Variants in ZNF385D observed in about 807,000 individuals in gnomAD.
ZNF385D encodes zinc finger protein 659.
A neutral mutation model predicts 35.8 loss-of-function variants in ZNF385D; 15 were observed. The observed-to-expected ratio is 0.42, with a 90% confidence interval of 0.28 to 0.64. ZNF385D has a LOEUF of 0.64. ZNF385D is among the 30% of genes least tolerant of loss of function. The pLI, the probability that ZNF385D is intolerant of heterozygous loss-of-function variation, is 0.23. For missense variants in ZNF385D, 474 were observed against 494.6 expected, an observed-to-expected ratio of 0.96 and a Z score of 0.39; for synonymous variants, 212 against 186.8, an observed-to-expected ratio of 1.13 and a Z score of -1.10.
chr3:21,761,784 G>T (rs182982889), intron 3 of ZNF385D, among the ~76,000 whole-genome samples: 13 of 149,562 alleles, frequency 8.7e-5, no homozygotes, highest in Admixed American at 8.7e-4. Flanking sequence ...CTTTTTTCAG[G>T]TATTACCCAA....
intron 2 of ZNF385D, among the ~76,000 whole-genome samples, chr3:22,170,857 G>A (rs765242919): frequency 2.8e-4 from 43 of 152,232 alleles, no homozygotes; most frequent in Admixed American, 3.3e-4. Context: ...AAATGATGGT[G>A]TGCTAAAATC....
intron 3 of ZNF385D, among the ~76,000 whole-genome samples, chr3:22,106,360 C>G (rs1702213057): frequency 6.6e-6 from 1 of 152,082 alleles, no homozygotes; most frequent in Admixed American, 6.6e-5. Context: ...GAGATACCAT[C>G]TGCCCTTTGG....
At chr3:21,517,122 G>C (rs528729357) in intron 3 of ZNF385D, among the ~76,000 whole-genome samples, 44 of 151,756 alleles carry the variant, frequency 2.9e-4, no homozygotes, top group Middle Eastern at 3.4e-3. Context: ...ATATATTACT[G>C]TTTATGATCC....
chr3:21,946,301 CACAAA>C (rs1004974150), intron 3 of ZNF385D, among the ~76,000 whole-genome samples: 1 of 152,026 alleles, frequency 6.6e-6, no homozygotes, highest in Non-Finnish European at 1.5e-5. Flanking sequence ...TCTTTATATA[CACAAA>C]ACATTTTTAT....
chr3:22,194,493 C>T (rs1298682387), intron 2 of ZNF385D, among the ~76,000 whole-genome samples: 1 of 151,780 alleles, frequency 6.6e-6, no homozygotes, highest in Non-Finnish European at 1.5e-5. Flanking sequence ...CCATTTATAT[C>T]TTTCTTCTTT....
chr3:21,598,846 T>G (rs1277577308), intron 2 of ZNF385D, among the ~76,000 whole-genome samples: 1 of 152,198 alleles, frequency 6.6e-6, no homozygotes, highest in Non-Finnish European at 1.5e-5. Context: ...ATTTACTCAA[T>G]TTTTAAATGA....
intron 2 of ZNF385D, among the ~76,000 whole-genome samples, chr3:21,661,678 T>A (rs2066241386): frequency 6.6e-6 from 1 of 152,158 alleles, no homozygotes; most frequent in South Asian, 2.1e-4. Flanking sequence ...TGAAAGCTAC[T>A]AGAACATCAA....
chr3:21,595,487 G>A (rs913520964), intron 2 of ZNF385D, among the ~76,000 whole-genome samples: 19 of 143,136 alleles, frequency 1.3e-4, no homozygotes, highest in Non-Finnish European at 2.1e-4. Flanking sequence ...ATATGTTTAT[G>A]TAATATATAT....
intron 3 of ZNF385D, among the ~76,000 whole-genome samples, chr3:22,030,891 G>A (rs1460422315): frequency 1.3e-5 from 2 of 152,200 alleles, no homozygotes; most frequent in South Asian, 2.1e-4. Context: ...ACACAGTGGA[G>A]GTACAGGCAT....
chr3:21,586,458 T>C (rs1376121546), intron 2 of ZNF385D, among the ~76,000 whole-genome samples: 1 of 152,240 alleles, frequency 6.6e-6, no homozygotes, highest in Non-Finnish European at 1.5e-5. Context: ...TAGACTCCTA[T>C]GCTGTATGTC....
intron 2 of ZNF385D, among the ~76,000 whole-genome samples, chr3:22,322,835 G>T (rs1694504115): frequency 6.6e-6 from 1 of 152,096 alleles, no homozygotes; most frequent in African/African-American, 2.4e-5. Flanking sequence ...ATGTTTTAAA[G>T]TTCTGGATAT....
chr3:21,627,989 A>G (rs1404989415), intron 2 of ZNF385D, among the ~76,000 whole-genome samples: 2 of 152,190 alleles, frequency 1.3e-5, no homozygotes, highest in African/African-American at 4.8e-5. Flanking sequence ...CTTTGTGAAT[A>G]TATTAATAAT....
intron 3 of ZNF385D, among the ~76,000 whole-genome samples, chr3:21,885,099 A>C (rs2125870709): frequency 6.6e-6 from 1 of 152,192 alleles, no homozygotes; most frequent in South Asian, 2.1e-4. Context: ...TCTTCTCTAG[A>C]TTAAAGAAAG....
intron 3 of ZNF385D, among the ~76,000 whole-genome samples, chr3:21,761,542 G>C (rs548883148): frequency 3.3e-5 from 5 of 152,282 alleles, no homozygotes; most frequent in Admixed American, 2.6e-4. Context: ...GATAATGTGA[G>C]AATGAGTGAA....
intron 2 of ZNF385D, among the ~76,000 whole-genome samples, chr3:22,213,372 A>T (rs1224195036): frequency 6.6e-6 from 1 of 152,104 alleles, no homozygotes; most frequent in Non-Finnish European, 1.5e-5. Flanking sequence ...GACATGGACC[A>T]GATTTGACCA....
chr3:22,118,764 T>C (rs1486181890), intron 3 of ZNF385D, among the ~76,000 whole-genome samples: 12 of 152,156 alleles, frequency 7.9e-5, no homozygotes, highest in Non-Finnish European at 4.4e-5. Flanking sequence ...GTCATAGTTC[T>C]GGGTTTAGAA....
rs75687144 is a variant in ZNF385D, at chr3:22,251,391, T to C, written c.107-82356A>G. On this transcript the variant is annotated intron_variant, in intron 2 of 5. Transcript: ENST00000494108. ...TCCACAAAAAACAAACAAACAAATA[T>C]AATACCATGTATTACAATGGTTGGT... 2.1e-3 allele frequency among the ~76,000 whole-genome samples: 315 copies of C among 152,260 alleles called. 3 individuals carry two copies. Among genetic ancestry groups the C allele is most frequent in the African/African-American group, 7.4e-3 (306 of 41,578 alleles).
At chr3:21,724,386 T>G (rs1374916764) in intron 1 of ZNF385D, among the ~76,000 whole-genome samples, 8 of 149,304 alleles carry the variant, frequency 5.4e-5, no homozygotes, top group Non-Finnish European at 4.4e-5. Context: ...CCCATCAATG[T>G]GCTGTATTCA....
intron 2 of ZNF385D, among the ~76,000 whole-genome samples, chr3:22,287,090 T>A (rs1702063493): frequency 2.0e-5 from 3 of 152,074 alleles, no homozygotes; most frequent in Non-Finnish European, 4.4e-5. Flanking sequence ...GATTGCTATA[T>A]TTTGTTGGTG....
Sources: gnomAD v4.1 joint callset for allele counts (sites outside exome capture counted in the v4.1 genomes callset) on GRCh38, gnomAD v4.1.1 for gene constraint, MANE v1.5 for transcripts, NCBI Gene and HGNC (gene_info 2026-07-23, HGNC 2026-07-21) for gene names.